The following NIN variants were observed in gnomAD, a reference collection of about 807,000 sequenced individuals.
NIN encodes glycogen synthase kinase 3 beta-interacting protein.
A neutral mutation model predicts 257.6 loss-of-function variants in NIN; 137 were observed. The ratio of observed to expected loss-of-function variants is 0.53; its 90% CI spans 0.46 to 0.61. NIN has a LOEUF of 0.61. NIN is among the 20% of genes least tolerant of loss of function. The pLI is 0.00. For synonymous variants in NIN, 918 were observed against 919.8 expected (o/e 1.00, Z 0.04); for missense variants, 2,439 against 2,501.2 (o/e 0.98, Z 0.53).
chr14:50,735,583 T>A lies in NIN; in HGVS notation c.5810A>T (p.Glu1937Val), dbSNP rs777525277. 7 of 1,612,602 alleles carry A rather than the reference T, an allele frequency of 4.3e-6. No individual in the cohort carries two copies. In the South Asian group the frequency reaches 7.7e-5, roughly 18 times the overall value. Residue 1937 changes from glutamate to valine, a missense_variant, in exon 28 of 31, where the codon GAA becomes GTA. Glu to Val is a moderately radical substitution (Grantham distance 121). This residue lies in a region of NIN where 2,043 missense variants were observed against 2,050.2 expected (regional missense o/e 1.00). Transcript: ENST00000530997. Reference sequence around the variant, plus strand: ...GCCTTCATTTTCCAAATGAATTGTTTCTAATTCTTGTTCAAGGGAATTCAT... The same window carrying A: ...GCCTTCATTTTCCAAATGAATTGTTACTAATTCTTGTTCAAGGGAATTCAT... Reference protein sequence around the residue: ...SQMNSLEQELETIHLENEGLK... With the variant: ...SQMNSLEQELVTIHLENEGLK...
rs2040586023 is a variant in NIN, at chr14:50,729,532, G to T, written c.6069C>A (p.Asn2023Lys). 1 of 1,613,606 alleles carries T rather than the reference G, an allele frequency of 6.2e-7. No homozygotes were observed. Among genetic ancestry groups the T allele is most frequent in the African/African-American group, 1.3e-5 (1 of 74,930 alleles). ...EELENRTSETNTPQGNQEQLV... is the reference protein window; with the variant it reads ...EELENRTSETKTPQGNQEQLV... Reference sequence around the variant, plus strand: ...AGAGAGAGCTTCATACCTGTGGTGTGTTGGTTTCGGAGGTCCTGTTTTCAA... The same window carrying T: ...AGAGAGAGCTTCATACCTGTGGTGTTTTGGTTTCGGAGGTCCTGTTTTCAA... The change falls in exon 29 of 31, where the codon AAC (asparagine) becomes AAA (lysine). Residue 2023 changes from asparagine to lysine, a missense_variant. Coordinates refer to ENST00000530997, the MANE Select transcript of NIN (RefSeq NM_020921.4).
chr14:50,767,817 A>AC (rs1469874542), intron 12 of NIN, among the ~76,000 whole-genome samples: 1 of 143,102 alleles, frequency 7.0e-6, no homozygotes, highest in East Asian at 2.0e-4. Flanking sequence ...ACTCCATCTC[A>AC]AAAAAAAAAA....
At chr14:50,791,879 AG>A (rs1485628243) in intron 5 of NIN, among the ~76,000 whole-genome samples, 1 of 151,726 alleles carries the variant, frequency 6.6e-6, no homozygotes, top group African/African-American at 2.4e-5. Flanking sequence ...CAGAAAGTTG[AG>A]GCGCTTTGTT....
At chr14:50,807,278 T>C (rs577454509) in intron 3 of NIN, among the ~76,000 whole-genome samples, 1 of 152,306 alleles carries the variant, frequency 6.6e-6, no homozygotes, top group East Asian at 1.9e-4. Flanking sequence ...AATATAGTCT[T>C]CCTTGAGGGA....
At chr14:50,779,118 T>G (rs2043029623) in intron 5 of NIN, among the ~76,000 whole-genome samples, 1 of 152,212 alleles carries the variant, frequency 6.6e-6, no homozygotes, top group South Asian at 2.1e-4. Flanking sequence ...ATATCCAGTA[T>G]CCATCAACCA....
At chr14:50,771,220 A>C in intron 10 of NIN, 112 bp downstream of exon 10, 4 of 1,324,430 alleles carry the variant, frequency 3.0e-6, no homozygotes, top group Non-Finnish European at 4.1e-6. Context: ...GTTGGATAGA[A>C]GATGAGCAAC....
Position 50,739,493 on chromosome 14 carries a change from G to A in NIN, c.5449-6C>T. 6.2e-7 allele frequency: 1 copy of A among 1,613,800 alleles called. No homozygotes were observed. Among genetic ancestry groups the A allele is most frequent in the Non-Finnish European group, 8.5e-7 (1 of 1,179,892 alleles). The stretch of plus-strand genomic sequence containing the variant: ...GCTATCTCTGGGGCCCAGCTCTTAA[G>A]AGAATTGCAGAGTGTAAGCCTTAAA... On this transcript the variant is annotated splice_region_variant and splice_polypyrimidine_tract_variant and intron_variant, in intron 25 of 30. Transcript: ENST00000530997.
chr14:50,809,353 G>C (rs2044477409), intron 3 of NIN, among the ~76,000 whole-genome samples: 1 of 152,164 alleles, frequency 6.6e-6, no homozygotes, highest in African/African-American at 2.4e-5. Flanking sequence ...TCTCCTCCAG[G>C]ATCTGCAGAG....
Position 50,722,399 on chromosome 14 carries a change from CT to C in NIN, c.*1063del. On this transcript the variant is annotated 3_prime_UTR_variant, in exon 31 of 31. Coordinates refer to ENST00000530997, the MANE Select transcript of NIN (RefSeq NM_020921.4). ...AGGTTTTTAACCCTAAAATCAAGGC[CT>C]TTTTTCCCCCAGAATATTAAATTTA... 2.8e-5 allele frequency: 6 copies of C among 212,632 alleles called. No homozygotes were observed. Among genetic ancestry groups the C allele is most frequent in the Non-Finnish European group, 4.8e-5 (5 of 104,862 alleles). 13.2% of individuals were successfully genotyped at this position (212,632 alleles called of 1,614,324 possible). A position where few individuals can be genotyped will look rare whatever the true frequency, so the allele number is the denominator to read the frequency against.
chr14:50,777,231 T>C (rs1418668087), intron 6 of NIN, 92 bp from the exon 7 acceptor site: 2 of 1,032,074 alleles, frequency 1.9e-6, no homozygotes. Context: ...TGAAAATAAA[T>C]ACTGTAAGAA....
intron 29 of NIN, chr14:50,727,598 A>G: frequency 7.1e-7 from 1 of 1,404,080 alleles, no homozygotes; most frequent in Admixed American, 2.0e-5. Flanking sequence ...AACATATCTT[A>G]GCTTATGTCT....
At chr14:50,763,305 C>T (rs1270820354) in intron 15 of NIN, among the ~76,000 whole-genome samples, 1 of 152,002 alleles carries the variant, frequency 6.6e-6, no homozygotes, top group Non-Finnish European at 1.5e-5. Flanking sequence ...ACTTGCCACT[C>T]AAAATCTTCC....
At chr14:50,745,466 CTTCAA>C (rs1467961492) in intron 22 of NIN, among the ~76,000 whole-genome samples, 5 of 152,136 alleles carry the variant, frequency 3.3e-5, no homozygotes. Context: ...TCACTTGACT[CTTCAA>C]TTCTTTATTA....
At chr14:50,787,794 G>C (rs144936749) in intron 5 of NIN, among the ~76,000 whole-genome samples, 1 of 152,200 alleles carries the variant, frequency 6.6e-6, no homozygotes. Context: ...ATTTCCAAGT[G>C]AAATTCTGAA....
At chr14:50,744,428 T>A in intron 22 of NIN, 63 bp from the exon 23 acceptor site, 2 of 1,560,904 alleles carry the variant, frequency 1.3e-6, no homozygotes, top group Non-Finnish European at 1.7e-6. Flanking sequence ...CAAAGGGGTA[T>A]TTCTAAATAG....
chr14:50,755,733 T>C (rs1490344135), intron 18 of NIN, among the ~76,000 whole-genome samples: 1 of 144,440 alleles, frequency 6.9e-6, no homozygotes, highest in African/African-American at 2.6e-5. Flanking sequence ...GGCATGATCA[T>C]GGCTCACTGC....
intron 3 of NIN, among the ~76,000 whole-genome samples, chr14:50,815,854 A>C (rs2044867903): frequency 6.6e-6 from 1 of 152,088 alleles, no homozygotes; most frequent in Admixed American, 6.5e-5. Flanking sequence ...TTAAAGATAC[A>C]AAAAATTAGC....
intron 6 of NIN, 48 bp downstream of exon 6, chr14:50,778,717 C>A (rs532959286): frequency 6.3e-7 from 1 of 1,581,488 alleles, no homozygotes; most frequent in South Asian, 1.1e-5. Flanking sequence ...TGGAGAGCAC[C>A]CGGCGGCCCT....
At chr14:50,772,222 T>C (rs1286982274) in intron 9 of NIN, 79 bp downstream of exon 9, 1 of 1,281,588 alleles carries the variant, frequency 7.8e-7, no homozygotes, top group East Asian at 2.4e-5. Context: ...GAAAATCAAA[T>C]CACAGTTTCC....
Sources: allele counts gnomAD v4.1 joint callset (sites outside exome capture counted in the v4.1 genomes callset), GRCh38; gene constraint gnomAD v4.1.1; regional missense constraint gnomAD v4.1.1; transcripts MANE v1.5; gene names NCBI Gene and HGNC (gene_info 2026-07-23, HGNC 2026-07-21).